CSMD1: variants seen among roughly 807,000 people sequenced by gnomAD.
CSMD1 encodes CUB and sushi domain-containing protein 1.
Under a neutral mutation model 417.5 loss-of-function variants are expected in CSMD1, and 213 were observed. That is an observed-to-expected ratio of 0.51 (90% CI 0.46 to 0.57). CSMD1 has a LOEUF of 0.57. CSMD1 is among the 20% of genes least tolerant of loss of function. The pLI is 0.00. For missense variants in CSMD1, 6,923 were observed against 4,529.7 expected (o/e 1.53, Z -15.17); for synonymous variants, 2,862 against 1,736.8 (o/e 1.65, Z -16.11).
At chr8:4,083,994 C>T (rs1800284980) in intron 3 of CSMD1, among the ~76,000 whole-genome samples, 2 of 151,934 alleles carry the variant, frequency 1.3e-5, no homozygotes, top group Admixed American at 6.6e-5. Flanking sequence ...AACAAATTTA[C>T]AAGAAAAAAA....
chr8:4,877,880 C>A (rs1415831437), intron 1 of CSMD1, among the ~76,000 whole-genome samples: 1 of 152,052 alleles, frequency 6.6e-6, no homozygotes, highest in Non-Finnish European at 1.5e-5. Flanking sequence ...CCCAGTGTAG[C>A]ATCAAGGAAC....
At chr8:4,154,033 T>G (rs1450048738) in intron 3 of CSMD1, among the ~76,000 whole-genome samples, 2 of 152,200 alleles carry the variant, frequency 1.3e-5, no homozygotes, top group African/African-American at 4.8e-5. Flanking sequence ...ATTTTCAGCT[T>G]GCTGCCACAT....
intron 3 of CSMD1, among the ~76,000 whole-genome samples, chr8:4,132,852 A>C (rs931535085): frequency 3.9e-5 from 6 of 152,200 alleles, no homozygotes; most frequent in Non-Finnish European, 8.8e-5. Flanking sequence ...GCTCAAGACA[A>C]CTAGGATATA....
chr8:3,751,080 A>G (rs1797314635), intron 6 of CSMD1, among the ~76,000 whole-genome samples: 1 of 152,072 alleles, frequency 6.6e-6, no homozygotes, highest in Non-Finnish European at 1.5e-5. Flanking sequence ...GGTTTTAAGC[A>G]GGAAGTCCCC....
At chr8:4,615,155 C>A (rs1801403439) in intron 2 of CSMD1, among the ~76,000 whole-genome samples, 2 of 152,080 alleles carry the variant, frequency 1.3e-5, no homozygotes, top group South Asian at 4.1e-4. Context: ...AAAGCAACTA[C>A]CCATTTCAAA....
At chr8:3,440,415 T>C (rs936734274) in intron 12 of CSMD1, among the ~76,000 whole-genome samples, 1 of 152,188 alleles carries the variant, frequency 6.6e-6, no homozygotes, top group Non-Finnish European at 1.5e-5. Context: ...TGATTATAAA[T>C]TGTATTTTAA....
At chr8:3,919,701 T>G (rs1809095616) in intron 5 of CSMD1, among the ~76,000 whole-genome samples, 1 of 152,186 alleles carries the variant, frequency 6.6e-6, no homozygotes, top group Non-Finnish European at 1.5e-5. Flanking sequence ...GAGATTGCTT[T>G]GAATCTGTAG....
chr8:3,254,601 C>G (rs1359679936), intron 26 of CSMD1, among the ~76,000 whole-genome samples: 1 of 152,210 alleles, frequency 6.6e-6, no homozygotes, highest in African/African-American at 2.4e-5. Context: ...AACTTCTCTT[C>G]TCACTTCATT....
intron 1 of CSMD1, among the ~76,000 whole-genome samples, chr8:4,830,817 T>A (rs1800106832): frequency 6.6e-6 from 1 of 152,158 alleles, no homozygotes; most frequent in African/African-American, 2.4e-5. Flanking sequence ...TAATGTGGAA[T>A]GAGCAGGGAA....
intron 41 of CSMD1, among the ~76,000 whole-genome samples, chr8:3,129,795 C>T (rs1001401366): frequency 6.6e-6 from 1 of 152,058 alleles, no homozygotes; most frequent in African/African-American, 2.4e-5. Context: ...TCAAGACCAG[C>T]CTGCCCAAGA....
At chr8:3,635,696 G>T (rs1446120996) in intron 7 of CSMD1, among the ~76,000 whole-genome samples, 2 of 149,226 alleles carry the variant, frequency 1.3e-5, no homozygotes, top group South Asian at 4.2e-4. Context: ...TGTTAGCCAG[G>T]ATGGTCTCAA....
At chr8:4,361,527 C>T (rs372852399) in intron 3 of CSMD1, among the ~76,000 whole-genome samples, 1 of 152,166 alleles carries the variant, frequency 6.6e-6, no homozygotes, top group South Asian at 2.1e-4. Flanking sequence ...GATCAGGTAA[C>T]GACCACGGTC....
chr8:4,469,624 A>C (rs182320652), intron 2 of CSMD1, among the ~76,000 whole-genome samples: 3 of 152,146 alleles, frequency 2.0e-5, no homozygotes, highest in African/African-American at 4.8e-5. Context: ...TGACATCCCT[A>C]ATGTAGCTTA....
chr8:3,773,747 G>A (rs879896303), intron 5 of CSMD1, among the ~76,000 whole-genome samples: 3 of 152,162 alleles, frequency 2.0e-5, no homozygotes, highest in Non-Finnish European at 2.9e-5. Context: ...ATGATGGGCG[G>A]TGACACTAAC....
chr8:4,300,046 G>C (rs555952753), intron 3 of CSMD1, among the ~76,000 whole-genome samples: 6 of 152,190 alleles, frequency 3.9e-5, no homozygotes, highest in Admixed American at 3.9e-4. Context: ...AGAGTGAGAG[G>C]AAGAACTTCT....
At chr8:3,755,154 G>C (rs1290412998) in intron 5 of CSMD1, among the ~76,000 whole-genome samples, 1 of 152,182 alleles carries the variant, frequency 6.6e-6, no homozygotes, top group African/African-American at 2.4e-5. Flanking sequence ...CGTTAGAGGC[G>C]CAAGGGACAC....
At chr8:4,366,102 C>T (rs1267344668) in intron 3 of CSMD1, among the ~76,000 whole-genome samples, 1 of 151,992 alleles carries the variant, frequency 6.6e-6, no homozygotes, top group African/African-American at 2.4e-5. Context: ...TCAGGTAGTA[C>T]CCGGCACCTG....
chr8:3,570,177 T>C lies in CSMD1; in HGVS notation c.1344+4768A>G, dbSNP rs147743814. Among the ~76,000 whole-genome samples the C allele has an allele frequency of 3.6e-3, 543 of 152,348 alleles. 3 individuals carry two copies. The highest frequency in any genetic ancestry group is 0.013 in the African/African-American group (521 of 41,568). ...AACATACATCATGAGTTTTAATGGA[T>C]GTTAGCCATAAAACTAAAGTAAAAG... On this transcript the variant is annotated intron_variant, in intron 10 of 69. Coordinates refer to ENST00000635120, the MANE Select transcript of CSMD1 (RefSeq NM_033225.6).
At position 3,741,445 on chromosome 8, in the gene CSMD1, ACAT is replaced by A. The variant is rs575106162; in HGVS notation, c.931+12482_931+12484del. Among the ~76,000 whole-genome samples the A allele has an allele frequency of 1.2e-3, 176 of 152,282 alleles. 1 individual carries two copies. The highest frequency in any genetic ancestry group is 4.2e-3 in the African/African-American group (173 of 41,560). ...CTGAAGTTAATCATTTTGTGTACCT[ACAT>A]CATGACAGAGGGAGTAGCAATTTTA... On this transcript the variant is annotated intron_variant, in intron 6 of 69. Transcript: ENST00000635120.
Sources: allele counts gnomAD v4.1 joint callset (sites outside exome capture counted in the v4.1 genomes callset), GRCh38; gene constraint gnomAD v4.1.1; transcripts MANE v1.5; gene names NCBI Gene and HGNC (gene_info 2026-07-23, HGNC 2026-07-21).